GALR1: variants seen among roughly 807,000 people sequenced by gnomAD.
GALR1 encodes the protein galanin receptor type 1.
In GALR1, 11 loss-of-function variants were observed where a neutral mutation model predicts 17.9. The observed-to-expected ratio is 0.62, with a 90% confidence interval of 0.39 to 1.02. GALR1 has a LOEUF of 1.02. Ranked by LOEUF, GALR1 falls within the 50% of genes least tolerant of loss-of-function variation. The pLI, the probability that GALR1 is intolerant of heterozygous loss-of-function variation, is 0.01. For synonymous variants in GALR1, 206 were observed against 205.7 expected, an observed-to-expected ratio of 1.00 and a Z score of -0.01; for missense variants, 441 against 456.9, an observed-to-expected ratio of 0.97 and a Z score of 0.32.
chr18:77,257,178 C>A (rs1912609590), intron 2 of GALR1, among the ~76,000 whole-genome samples: 1 of 152,104 alleles, frequency 6.6e-6, no homozygotes. Flanking sequence ...CCTGACTTTC[C>A]TTCTTTATGA....
At chr18:77,255,709 G>A (rs12454015) in intron 1 of GALR1, among the ~76,000 whole-genome samples, 101,286 of 152,048 alleles carry the variant, frequency 0.67, 34,259 homozygotes, top group Non-Finnish European at 0.72. Context: ...GGTGAATTTT[G>A]GAAGGGCAAA....
At position 77,272,550 on chromosome 18, in the gene GALR1, A is replaced by T. The variant is rs1381943855; in HGVS notation, c.*3648A>T. ...AGTCACTAACTGCGAAAATACATCA[A>T]TGTGGCTACTTCCTCTGGAAAGTTA... On this transcript the variant is annotated 3_prime_UTR_variant, in exon 3 of 3. Coordinates refer to ENST00000299727, the MANE Select transcript of GALR1 (RefSeq NM_001480.4). 1 of 152,260 alleles carries T rather than the reference A, an allele frequency of 6.6e-6. No individual in the cohort carries two copies. The highest frequency in any genetic ancestry group is 1.5e-5 in the Non-Finnish European group (1 of 68,046). The allele number at this position is 152,260 out of a possible 1,614,324, so 9.4% of individuals were successfully genotyped here.
At position 77,270,617 on chromosome 18, in the gene GALR1, A is replaced by C. The variant is rs2097832813; in HGVS notation, c.*1715A>C. The C allele has an allele frequency of 6.6e-6, 1 of 152,058 alleles. No individual in the cohort carries two copies. The highest frequency in any genetic ancestry group is 2.4e-5 in the African/African-American group (1 of 41,390). The allele number at this position is 152,058 out of a possible 1,614,324, so 9.4% of individuals were successfully genotyped here. A position where few individuals can be genotyped will look rare whatever the true frequency, so the allele number is the denominator to read the frequency against. ...CACATGAAACATCAAATTTTAGATA[A>C]AAATGCAAACTTGACATAAGCCTTT... On this transcript the variant is annotated 3_prime_UTR_variant, in exon 3 of 3. Transcript: ENST00000299727.
At position 77,273,085 on chromosome 18, in the gene GALR1, A is replaced by G. The variant is rs1913092293; in HGVS notation, c.*4183A>G. The G allele has an allele frequency of 6.6e-6, 1 of 151,782 alleles. No individual in the cohort carries two copies. The highest frequency in any genetic ancestry group is 2.4e-5 in the African/African-American group (1 of 41,282). The allele number at this position is 151,782 out of a possible 1,614,324, so 9.4% of individuals were successfully genotyped here. On this transcript the variant is annotated 3_prime_UTR_variant, in exon 3 of 3. Transcript: ENST00000299727. Reference sequence around the variant, plus strand: ...TTTCTTTTCTTAGTGTGGCAGGTTCACTCACATTCATGTTTTTGACTTTAG... The same window carrying G: ...TTTCTTTTCTTAGTGTGGCAGGTTCGCTCACATTCATGTTTTTGACTTTAG...
At position 77,271,760 on chromosome 18, in the gene GALR1, C is replaced by T. The variant is rs1304692983; in HGVS notation, c.*2858C>T. 6.6e-6 allele frequency: 1 copy of T among 152,210 alleles called. No individual in the cohort carries two copies. The highest frequency in any genetic ancestry group is 2.4e-5 in the African/African-American group (1 of 41,452). 9.4% of individuals were successfully genotyped at this position (152,210 alleles called of 1,614,324 possible). A position where few individuals can be genotyped will look rare whatever the true frequency, so the allele number is the denominator to read the frequency against. ...TTGGCTGTCTCAGTGCCCAAGGCAG[C>T]TGTTATTTTCCTAGGCTTTTTGCTT... On this transcript the variant is annotated 3_prime_UTR_variant, in exon 3 of 3. Coordinates refer to ENST00000299727, the MANE Select transcript of GALR1 (RefSeq NM_001480.4).
chr18:77,268,534 C>A, intron 2 of GALR1, 51 bp from the exon 3 acceptor site: 1 of 1,268,564 alleles, frequency 7.9e-7, no homozygotes, highest in Non-Finnish European at 1.1e-6. Context: ...TTCTTCTTCT[C>A]CCTTACCGCC....
At position 77,272,469 on chromosome 18, in the gene GALR1, G is replaced by A. The variant is rs1238817831; in HGVS notation, c.*3567G>A. On this transcript the variant is annotated 3_prime_UTR_variant, in exon 3 of 3. Coordinates refer to ENST00000299727, the MANE Select transcript of GALR1 (RefSeq NM_001480.4). ...ATTGAGGAAAATAACCTATTGGGCA[G>A]CTTCATCATGTTCTTGCTTTAAATG... 6.6e-6 allele frequency: 1 copy of A among 152,206 alleles called. No individual in the cohort carries two copies. Among genetic ancestry groups the A allele is most frequent in the African/African-American group, 2.4e-5 (1 of 41,452 alleles). The allele number at this position is 152,206 out of a possible 1,614,324, so 9.4% of individuals were successfully genotyped here.
In GALR1 at chr18:77,277,050, TCA is replaced by T. The variant is rs1194020842; in HGVS notation, c.*8149_*8150del. The T allele has an allele frequency of 6.6e-6, 1 of 152,258 alleles. No homozygotes were observed. The highest frequency in any genetic ancestry group is 1.5e-5 in the Non-Finnish European group (1 of 68,040). 9.4% of individuals were successfully genotyped at this position (152,258 alleles called of 1,614,324 possible). A position where few individuals can be genotyped will look rare whatever the true frequency, so the allele number is the denominator to read the frequency against. On this transcript the variant is annotated 3_prime_UTR_variant, in exon 3 of 3. Coordinates refer to ENST00000299727, the MANE Select transcript of GALR1 (RefSeq NM_001480.4). ...GAAGTTTTGAACCCAGTGTTTAAACTCAGTGTTTAAATATTTGCATGTCTTTC... is the reference window on the plus strand; with the variant it reads ...GAAGTTTTGAACCCAGTGTTTAAACTGTGTTTAAATATTTGCATGTCTTTC...
At chr18:77,251,295 C>A in intron 1 of GALR1, 81 bp downstream of exon 1, 1 of 1,513,864 alleles carries the variant, frequency 6.6e-7, no homozygotes, top group Non-Finnish European at 8.8e-7. Flanking sequence ...TGTCCCGCGG[C>A]CCTGCCGGAG....
rs1469704857 is a variant in GALR1, at chr18:77,258,839, GTGATGGTGGTGGTGA to G, written c.732+2619_732+2633del. ...AGTGGTGGTGGTGCTGGTGATGGTG[GTGATGGTGGTGGTGA>G]TGGTGGTGGTGATGGTGGTGATGAT... On this transcript the variant is annotated intron_variant, in intron 2 of 2. Coordinates refer to ENST00000299727, the MANE Select transcript of GALR1 (RefSeq NM_001480.4). 8.1e-4 allele frequency among the ~76,000 whole-genome samples: 3 copies of G among 3,726 alleles called. No individual in the cohort carries two copies. In the East Asian group the frequency reaches 0.038, roughly 48 times the overall value. The allele number at this position is 3,726 out of a possible 152,430, so 2.4% of individuals were successfully genotyped here.
chr18:77,271,297 T>A lies in GALR1; in HGVS notation c.*2395T>A, dbSNP rs1913061247. 1 of 148,592 alleles carries A rather than the reference T, an allele frequency of 6.7e-6. No homozygotes were observed. The highest frequency in any genetic ancestry group is 2.5e-5 in the African/African-American group (1 of 40,374). 9.2% of individuals were successfully genotyped at this position (148,592 alleles called of 1,614,324 possible). ...AATGTAAATGCTAATTGTTGCATTT[T>A]ACAGTTAGATAGGATATACTTCCTG... is the stretch of plus-strand genomic sequence containing the variant. On this transcript the variant is annotated 3_prime_UTR_variant, in exon 3 of 3. Coordinates refer to ENST00000299727, the MANE Select transcript of GALR1 (RefSeq NM_001480.4).
At chr18:77,259,030 GTGGTCATGA>G (rs1383040564) in intron 2 of GALR1, among the ~76,000 whole-genome samples, 7 of 14,530 alleles carry the variant, frequency 4.8e-4, no homozygotes, top group Admixed American at 6.8e-4. Flanking sequence ...GGTGTTGGTG[GTGGTCATGA>G]TGGTCATGGT....
In GALR1 at chr18:77,271,246, A is replaced by ACACCCCCCCC. The variant is rs1913056132; in HGVS notation, c.*2345_*2346insACCCCCCCCC. ...CAAAAAGTAATAGCTTGCGCTTGAAACCCCCCCCCCCCCGCCACTTTGCTA... is the reference window on the plus strand; with the variant it reads ...CAAAAAGTAATAGCTTGCGCTTGAAACACCCCCCCCCCCCCCCCCCCCCGCCACTTTGCTA... On this transcript the variant is annotated 3_prime_UTR_variant, in exon 3 of 3. Transcript: ENST00000299727. The ACACCCCCCCC allele has an allele frequency of 2.6e-5, 2 of 77,952 alleles. No individual in the cohort carries two copies. The highest frequency in any genetic ancestry group is 1.3e-4 in the Admixed American group (1 of 7,766). The allele number at this position is 77,952 out of a possible 1,614,324, so 4.8% of individuals were successfully genotyped here.
chr18:77,258,322 G>T (rs1039157187), intron 2 of GALR1, among the ~76,000 whole-genome samples: 3 of 152,154 alleles, frequency 2.0e-5, no homozygotes, highest in African/African-American at 7.2e-5. Flanking sequence ...TTGAAGAAGG[G>T]ATGAAGATTT....
At chr18:77,252,962 C>CCACCAT (rs1912490363) in intron 1 of GALR1, among the ~76,000 whole-genome samples, 2 of 54,346 alleles carry the variant, frequency 3.7e-5, no homozygotes, top group Non-Finnish European at 8.4e-5. Flanking sequence ...ACCACCATCA[C>CCACCAT]CACCACCATC....
intron 2 of GALR1, among the ~76,000 whole-genome samples, chr18:77,262,415 T>C (rs1912852010): frequency 1.3e-5 from 2 of 152,212 alleles, no homozygotes; most frequent in South Asian, 4.1e-4. Flanking sequence ...TCCACTGGCA[T>C]GGAACTTCTT....
chr18:77,269,056 G>T lies in GALR1; in HGVS notation c.*154G>T, dbSNP rs1205308190. 5 of 623,444 alleles carry T rather than the reference G, an allele frequency of 8.0e-6. No individual in the cohort carries two copies. Among genetic ancestry groups the T allele is most frequent in the Non-Finnish European group, 1.1e-5 (4 of 359,068 alleles). The allele number at this position is 623,444 out of a possible 1,614,324, so 38.6% of individuals were successfully genotyped here. ...TCCCACGTGTGTTAAAAAGTACTTT[G>T]ATCCATTTAGGAAATTCCTAGGTCT... On this transcript the variant is annotated 3_prime_UTR_variant, in exon 3 of 3. Coordinates refer to ENST00000299727, the MANE Select transcript of GALR1 (RefSeq NM_001480.4).
Position 77,256,258 on chromosome 18 carries a change from T to C in GALR1, c.732+35T>C, listed in dbSNP as rs758894483. On this transcript the variant is annotated intron_variant, in intron 2 of 2. Coordinates refer to ENST00000299727, the MANE Select transcript of GALR1 (RefSeq NM_001480.4). ...ACAAATATATATATATATGTTACTT[T>C]TCAGAGCTTAGTTTACCTTTGTTTT... 4.2e-6 allele frequency: 5 copies of C among 1,188,540 alleles called. No individual in the cohort carries two copies. The East Asian group carries it at 1.2e-4, about 28-fold the overall frequency. 73.6% of individuals were successfully genotyped at this position (1,188,540 alleles called of 1,614,324 possible).
chr18:77,253,186 G>A (rs1912510950), intron 1 of GALR1, among the ~76,000 whole-genome samples: 1 of 152,152 alleles, frequency 6.6e-6, no homozygotes, highest in African/African-American at 2.4e-5. Context: ...TATCTGATAT[G>A]TGCACCATCT....
Sources: allele counts gnomAD v4.1 joint callset (sites outside exome capture counted in the v4.1 genomes callset), GRCh38; gene constraint gnomAD v4.1.1; transcripts MANE v1.5; gene names NCBI Gene and HGNC (gene_info 2026-07-23, HGNC 2026-07-21).